Variants in PTPRN2 observed in about 807,000 individuals in gnomAD.
PTPRN2 encodes the protein receptor-type tyrosine-protein phosphatase N2.
PTPRN2 carries 74 observed loss-of-function variants against 118.8 expected under a neutral mutation model. The observed-to-expected ratio is 0.62, with a 90% confidence interval of 0.52 to 0.76. PTPRN2 has a LOEUF of 0.76. Ranked by LOEUF, PTPRN2 falls within the 30% of genes least tolerant of loss-of-function variation. The pLI is 0.00. For synonymous variants in PTPRN2, 641 were observed against 608.0 expected (o/e 1.05, Z -0.80); for missense variants, 1,481 against 1,394.4 (o/e 1.06, Z -0.99).
At chr7:157,776,049 CT>C (rs1666540607) in intron 12 of PTPRN2, among the ~76,000 whole-genome samples, 1 of 151,654 alleles carries the variant, frequency 6.6e-6, no homozygotes, top group Non-Finnish European at 1.5e-5. Flanking sequence ...GCGTCACCTC[CT>C]CCCTCTCCTC....
intron 11 of PTPRN2, among the ~76,000 whole-genome samples, chr7:158,078,828 T>TA (rs1177985350): frequency 6.6e-6 from 1 of 152,222 alleles, no homozygotes; most frequent in African/African-American, 2.4e-5. Flanking sequence ...TTCTTTTTTA[T>TA]AATCTCTTGG....
At chr7:158,257,816 C>T (rs868781745) in intron 3 of PTPRN2, among the ~76,000 whole-genome samples, 2 of 152,224 alleles carry the variant, frequency 1.3e-5, no homozygotes, top group African/African-American at 2.4e-5. Flanking sequence ...GGGGTGAGCC[C>T]GCCTGCAGAG....
chr7:158,249,894 C>T (rs781371366), intron 3 of PTPRN2, among the ~76,000 whole-genome samples: 3 of 152,174 alleles, frequency 2.0e-5, no homozygotes, highest in Non-Finnish European at 4.4e-5. Context: ...GTGTGCACAA[C>T]GACCCGTGCA....
At chr7:158,511,111 T>C (rs749785828) in intron 1 of PTPRN2, among the ~76,000 whole-genome samples, 9 of 152,202 alleles carry the variant, frequency 5.9e-5, no homozygotes, top group Non-Finnish European at 1.2e-4. Flanking sequence ...CAGATGAAAT[T>C]TTCTGGCACC....
chr7:158,035,876 A>C (rs137856597), intron 11 of PTPRN2, among the ~76,000 whole-genome samples: 198 of 152,334 alleles, frequency 1.3e-3, no homozygotes, highest in African/African-American at 4.5e-3. Flanking sequence ...TGTAATAAAA[A>C]ATTATAAACC....
At chr7:157,886,640 C>T (rs10949666) in intron 12 of PTPRN2, among the ~76,000 whole-genome samples, 71,997 of 152,104 alleles carry the variant, frequency 0.47, 18,079 homozygotes, top group Middle Eastern at 0.57. Flanking sequence ...TTTGTCAATA[C>T]GTCAAGTGCA....
intron 12 of PTPRN2, among the ~76,000 whole-genome samples, chr7:157,852,598 C>T (rs921072210): frequency 4.6e-5 from 7 of 152,128 alleles, no homozygotes; most frequent in South Asian, 4.1e-4. Context: ...TGGCCGGGTG[C>T]GGTGGCTCAC....
chr7:158,053,390 C>A (rs1017937506), intron 11 of PTPRN2, among the ~76,000 whole-genome samples: 1 of 152,174 alleles, frequency 6.6e-6, no homozygotes, highest in Non-Finnish European at 1.5e-5. Context: ...CACAGCACAG[C>A]GAACTCCGAT....
At chr7:157,797,299 C>T (rs1056878552) in intron 12 of PTPRN2, among the ~76,000 whole-genome samples, 3 of 152,238 alleles carry the variant, frequency 2.0e-5, no homozygotes, top group Admixed American at 1.3e-4. Context: ...TCTCATGAAG[C>T]GGAGGAGAGT....
intron 22 of PTPRN2, among the ~76,000 whole-genome samples, chr7:157,545,262 G>C (rs1039103606): frequency 2.0e-5 from 3 of 151,126 alleles, no homozygotes; most frequent in Middle Eastern, 3.2e-3. Context: ...CTGTGTGCAG[G>C]TGTGTGCGTG....
chr7:157,793,236 G>A (rs575583434), intron 12 of PTPRN2, among the ~76,000 whole-genome samples: 3 of 152,270 alleles, frequency 2.0e-5, no homozygotes, highest in South Asian at 2.1e-4. Context: ...AGTTTCTGCT[G>A]AAAAGAATGT....
chr7:158,323,587 G>A (rs977378558), intron 2 of PTPRN2, among the ~76,000 whole-genome samples: 1 of 152,314 alleles, frequency 6.6e-6, no homozygotes, highest in South Asian at 2.1e-4. Flanking sequence ...TCATTTGAAA[G>A]AAAATATTGA....
chr7:158,386,383 GC>G (rs1221196995), intron 2 of PTPRN2, among the ~76,000 whole-genome samples: 87 of 146,970 alleles, frequency 5.9e-4, no homozygotes, highest in African/African-American at 2.1e-3. Flanking sequence ...CTCCTCCCGT[GC>G]CCCAAGTCCC....
chr7:157,663,729 G>C (rs1585200347), intron 13 of PTPRN2, among the ~76,000 whole-genome samples: 1 of 152,238 alleles, frequency 6.6e-6, no homozygotes, highest in African/African-American at 2.4e-5. Flanking sequence ...CTCATGGCTT[G>C]CTGGAGAAAG....
chr7:158,431,567 T>C (rs1460373542), intron 2 of PTPRN2, among the ~76,000 whole-genome samples: 1 of 120,278 alleles, frequency 8.3e-6, no homozygotes. Flanking sequence ...ACTGGGCACA[T>C]ACTGGCCACA....
chr7:157,563,769 A>G (rs1221988559), intron 21 of PTPRN2, among the ~76,000 whole-genome samples: 1 of 149,638 alleles, frequency 6.7e-6, no homozygotes, highest in African/African-American at 2.5e-5. Flanking sequence ...GCAGATCAGG[A>G]CCACGTGCTC....
In PTPRN2 at chr7:158,107,851, C is replaced by T. The variant is rs369805479; in HGVS notation, c.1643+2978G>A. 5.7e-3 allele frequency among the ~76,000 whole-genome samples: 861 copies of T among 150,994 alleles called. 7 individuals are homozygous for T. The highest frequency in any genetic ancestry group is 0.02 in the African/African-American group (814 of 41,100). Reference sequence around the variant, plus strand: ...GATATCTGCATCTGCCCTGCACCTGCCCCCTCTCACACATGGATCCCTGCA... The same window carrying T: ...GATATCTGCATCTGCCCTGCACCTGTCCCCTCTCACACATGGATCCCTGCA... On this transcript the variant is annotated intron_variant, in intron 10 of 22. Transcript: ENST00000389418.
chr7:158,432,649 G>A (rs564513755), intron 2 of PTPRN2, among the ~76,000 whole-genome samples: 7 of 152,316 alleles, frequency 4.6e-5, no homozygotes, highest in Non-Finnish European at 1.0e-4. Context: ...CAAACTTTTT[G>A]TTGAGATACT....
chr7:158,230,691 A>G (rs1829110913), intron 3 of PTPRN2, among the ~76,000 whole-genome samples: 1 of 152,242 alleles, frequency 6.6e-6, no homozygotes. Context: ...ATAAAAAGCA[A>G]TGAATTAAAA....
Sources: gnomAD v4.1 joint callset for allele counts (sites outside exome capture counted in the v4.1 genomes callset) on GRCh38, gnomAD v4.1.1 for gene constraint, MANE v1.5 for transcripts, NCBI Gene and HGNC (gene_info 2026-07-23, HGNC 2026-07-21) for gene names.